BMP4: variants seen among roughly 807,000 people sequenced by gnomAD.
The protein encoded by BMP4 is bone morphogenetic protein 2B.
BMP4 carries 3 observed loss-of-function variants against 29.6 expected under a neutral mutation model. That is an observed-to-expected ratio of 0.10 (90% confidence interval 0.05 to 0.26). The LOEUF (loss-of-function observed/expected upper bound fraction) is 0.26. Among genes scored for constraint, BMP4 ranks in the 10% least tolerant of loss-of-function variants. BMP4 has a pLI of 1.00. For synonymous variants in BMP4, 197 were observed against 213.2 expected, an observed-to-expected ratio of 0.92 and a Z score of 0.66; for missense variants, 455 against 550.2, an observed-to-expected ratio of 0.83 and a Z score of 1.73.
intron 2 of BMP4, 48 bp from the exon 3 acceptor site, chr14:53,952,277 A>G: frequency 6.3e-7 from 1 of 1,587,440 alleles, no homozygotes; most frequent in Non-Finnish European, 8.6e-7. Context: ...ATAAACACCA[A>G]TAAATAGGGA....
Position 53,950,984 on chromosome 14 carries a change from T to C in BMP4, c.371-96A>G. 1 of 1,511,716 alleles carries C rather than the reference T, an allele frequency of 6.6e-7. No homozygotes were observed. Among genetic ancestry groups the C allele is most frequent in the Non-Finnish European group, 9.1e-7 (1 of 1,103,614 alleles). 93.6% of individuals were successfully genotyped at this position (1,511,716 alleles called of 1,614,324 possible). On this transcript the variant is annotated intron_variant, in intron 3 of 3. Coordinates refer to ENST00000245451, the MANE Select transcript of BMP4 (RefSeq NM_001202.6). The surrounding 1 kb of genome is among the most constrained non-coding windows in gnomAD (Gnocchi z 5.4). ...AGATAGCTCAGGGTTGGGCAATGAA[T>C]GGTGAATTCTGCTTATGCAGGGGAA...
At chr14:53,952,538 A>G (rs1346028878) in intron 2 of BMP4, among the ~76,000 whole-genome samples, 1 of 151,986 alleles carries the variant, frequency 6.6e-6, no homozygotes, top group African/African-American at 2.4e-5. Context: ...TATCTGGGCC[A>G]TGATCTCAGC....
Position 53,953,419 on chromosome 14 carries a change from T to C in BMP4, c.-132-19A>G, listed in dbSNP as rs936555302. Reference sequence around the variant, plus strand: ...ATGGCTCCTAAAAGGAATATTTGAATATAATGAGACTCCACCGCAGACAGG... The same window carrying C: ...ATGGCTCCTAAAAGGAATATTTGAACATAATGAGACTCCACCGCAGACAGG... On this transcript the variant is annotated intron_variant, in intron 1 of 3. Transcript: ENST00000245451. 1.5e-5 allele frequency: 6 copies of C among 398,836 alleles called. No individual in the cohort carries two copies. The highest frequency in any genetic ancestry group is 2.2e-5 in the Non-Finnish European group (5 of 226,032). The allele number at this position is 398,836 out of a possible 1,614,324, so 24.7% of individuals were successfully genotyped here.
At chr14:53,953,223 T>G in intron 2 of BMP4, 53 bp downstream of exon 2, 1 of 394,394 alleles carries the variant, frequency 2.5e-6, no homozygotes, top group South Asian at 1.3e-4. Flanking sequence ...CGAGCAGGGG[T>G]GGTGAGGGCA....
chr14:53,952,332 G>C, intron 2 of BMP4, 103 bp from the exon 3 acceptor site: 1 of 1,369,644 alleles, frequency 7.3e-7, no homozygotes. Flanking sequence ...TAGAAATGGA[G>C]GGGCAAGATG....
chr14:53,953,243 C>G, intron 2 of BMP4, 33 bp downstream of exon 2: 1 of 396,762 alleles, frequency 2.5e-6, no homozygotes, highest in Non-Finnish European at 4.5e-6. Context: ...AGAGTGAATT[C>G]CGGGGAGGGG....
rs1325738154 is a variant in BMP4, at chr14:53,954,866, T to C, written c.-132-1466A>G. Among the ~76,000 whole-genome samples the C allele has an allele frequency of 6.6e-6, 1 of 152,160 alleles. No individual in the cohort carries two copies. The highest frequency in any genetic ancestry group is 6.5e-5 in the Admixed American group (1 of 15,292). On this transcript the variant is annotated intron_variant, in intron 1 of 3. Transcript: ENST00000245451. The surrounding 1 kb of genome is among the most constrained non-coding windows in gnomAD (Gnocchi z 4.8). ...TTGCTGCTTTGGGTCGCTCCGGAGC[T>C]CAAGAACTCGGGTTGCCTGCCGCCC...
rs774938531 is a variant in BMP4, at chr14:53,952,117, C to A, written c.106G>T (p.Ala36Ser). 3.7e-6 allele frequency: 6 copies of A among 1,613,624 alleles called. No individual in the cohort carries two copies. The highest frequency in any genetic ancestry group is 5.1e-6 in the Non-Finnish European group (6 of 1,179,550). The change falls in exon 3 of 4, where the codon GCC becomes TCC. Residue 36 changes from alanine to serine, a missense_variant. Physicochemically the swap from Ala to Ser is moderately conservative, Grantham distance 99 (BLOSUM62 1). This residue lies in a region of BMP4 where 249 missense variants were observed against 284.6 expected (regional missense o/e 0.87). Transcript: ENST00000245451. Reference sequence around the variant, plus strand: ...CCTCCCGCGTGGCCCTGAATCTCGGCGACTTTTTTCTTCCCCGTCTCAGGT... The same window carrying A: ...CCTCCCGCGTGGCCCTGAATCTCGGAGACTTTTTTCTTCCCCGTCTCAGGT... ...LIPETGKKKV[A>S]EIQGHAGGRR...
At chr14:53,951,558 G>GA (rs1027613151) in intron 3 of BMP4, 27 of 382,354 alleles carry the variant, frequency 7.1e-5, no homozygotes, top group African/African-American at 4.2e-4. Flanking sequence ...TAGGTGCTTT[G>GA]AAAAAAACGG....
intron 1 of BMP4, 166 bp from the exon 2 acceptor site, chr14:53,953,566 C>A: frequency 2.7e-6 from 1 of 376,248 alleles, no homozygotes; most frequent in Non-Finnish European, 4.7e-6. Context: ...CGGGCCCGCC[C>A]CTCCAGGCGA....
intron 2 of BMP4, 85 bp downstream of exon 2, chr14:53,953,191 G>T (rs1000378415): frequency 1.8e-5 from 7 of 392,072 alleles, no homozygotes; most frequent in East Asian, 3.6e-5. Flanking sequence ...TGTAAAGGAG[G>T]TCCGACGGAA....
chr14:53,950,425 A>T lies in BMP4; in HGVS notation c.834T>A (p.Asp278Glu). The change falls in exon 4 of 4, where the codon GAT (aspartate) becomes GAA (glutamate). Residue 278 changes from aspartate to glutamate, a missense_variant. Around this residue, in one of 4 missense-constraint regions of BMP4, gnomAD observed 154 missense variants for 156.8 expected, o/e 0.98. Coordinates refer to ENST00000245451, the MANE Select transcript of BMP4 (RefSeq NM_001202.6). The surrounding 1 kb of genome is among the most constrained non-coding windows in gnomAD (Gnocchi z 5.4). Reference sequence around the variant, plus strand: ...GTCGGGTCAAGGCATGGCCCCGGCCATCATGGCCAAAGGTGACCAGGAGGG... The same window carrying T: ...GTCGGGTCAAGGCATGGCCCCGGCCTTCATGGCCAAAGGTGACCAGGAGGG... The part of the protein sequence containing the change: ...LRPLLVTFGH[D>E]GRGHALTRRR... The T allele has an allele frequency of 6.2e-7, 1 of 1,613,962 alleles. No individual in the cohort carries two copies. Among genetic ancestry groups the T allele is most frequent in the Non-Finnish European group, 8.5e-7 (1 of 1,180,002 alleles).
chr14:53,953,764 G>A (rs1895583064), intron 1 of BMP4, among the ~76,000 whole-genome samples: 1 of 151,850 alleles, frequency 6.6e-6, no homozygotes, highest in African/African-American at 2.4e-5. Context: ...CCTGAAGCCA[G>A]AGGATTTGGG....
chr14:53,951,847 A>G lies in BMP4; in HGVS notation c.370+6T>C, dbSNP rs1895433810. On this transcript the variant is annotated splice_donor_region_variant and intron_variant, in intron 3 of 3. Transcript: ENST00000245451. ...TCCCCCACGCAGACTGGGGGAAGAG[A>G]CTGACCTTCGTGGTGGAAGCTCCTC... 1 of 1,598,802 alleles carries G rather than the reference A, an allele frequency of 6.3e-7. No individual in the cohort carries two copies. Among genetic ancestry groups the G allele is most frequent in the Non-Finnish European group, 8.5e-7 (1 of 1,179,882 alleles).
rs760034508 is a variant in BMP4 at position 53,950,382 on chromosome 14, T to C, written c.877A>G (p.Ser293Gly). 4 of 1,613,696 alleles carry C rather than the reference T, an allele frequency of 2.5e-6. No homozygotes were observed. The African/African-American group carries it at 5.3e-5, about 22-fold the overall frequency. The change falls in exon 4 of 4, where the codon AGC (serine) becomes GGC (glycine). Residue 293 changes from serine to glycine, a missense_variant. Transcript: ENST00000245451. This position sits in a 1 kb window ranked among gnomAD's most constrained non-coding sequence, Gnocchi z 5.4. ...GCCCGCTGTGAGTGATGCTTAGGGCTACGCTTGGCCCTCCGGCGTCGGGTC... is the reference window on the plus strand; with the variant it reads ...GCCCGCTGTGAGTGATGCTTAGGGCCACGCTTGGCCCTCCGGCGTCGGGTC... ...ALTRRRRAKR[S>G]PKHHSQRARK...
chr14:53,952,205 T>A lies in BMP4; in HGVS notation c.18A>T (p.Arg6=), dbSNP rs1566581788. Residue 6 remains arginine, a synonymous_variant, in exon 3 of 4, where the codon CGA becomes CGT. Coordinates refer to ENST00000245451, the MANE Select transcript of BMP4 (RefSeq NM_001202.6). ...GGCATAATAAAACGACCATCAGCAT[T>A]CGGTTACCAGGAATCATGGTGTCTC... MIPGN[R]MLMVVLLCQV... The A allele has an allele frequency of 6.2e-7, 1 of 1,614,104 alleles. No homozygotes were observed. The highest frequency in any genetic ancestry group is 2.2e-5 in the East Asian group (1 of 44,866).
In BMP4 at chr14:53,951,996, C is replaced by A; in HGVS notation, c.227G>T (p.Ser76Ile). ...GLRRRPQPSK[S>I]AVIPDYMRDL... Reference sequence around the variant, plus strand: ...CCGCATGTAGTCCGGAATGACGGCACTCTTGCTAGGCTGCGGGCGGCGGCG... The same window carrying A: ...CCGCATGTAGTCCGGAATGACGGCAATCTTGCTAGGCTGCGGGCGGCGGCG... The change falls in exon 3 of 4, where the codon AGT (serine) becomes ATT (isoleucine). Residue 76 changes from serine to isoleucine, a missense_variant. This residue lies in a region of BMP4 where 249 missense variants were observed against 284.6 expected (regional missense o/e 0.87). Coordinates refer to ENST00000245451, the MANE Select transcript of BMP4 (RefSeq NM_001202.6). The A allele has an allele frequency of 6.2e-7, 1 of 1,613,748 alleles. No individual in the cohort carries two copies. The highest frequency in any genetic ancestry group is 8.5e-7 in the Non-Finnish European group (1 of 1,180,038).
chr14:53,951,517 G>A (rs1895408594), intron 3 of BMP4: 3 of 272,758 alleles, frequency 1.1e-5, no homozygotes, highest in African/African-American at 2.2e-5. Context: ...GAATAAACCC[G>A]ACAAACACAC....
Position 53,949,883 on chromosome 14 carries a change from C to CA in BMP4, c.*148_*149insT, listed in dbSNP as rs796563569. 0.094 allele frequency: 60,205 copies of CA among 637,616 alleles called. 406 individuals are homozygous for CA. Among genetic ancestry groups the CA allele is most frequent in the Non-Finnish European group, 0.11 (45,898 of 418,664 alleles). The allele number at this position is 637,616 out of a possible 1,614,324, so 39.5% of individuals were successfully genotyped here. ...AAGGTGAATGTTTAGGGATTTTTTC[C>CA]TTTTTTTTTTTTTTTTTTAAATAAA... On this transcript the variant is annotated 3_prime_UTR_variant, in exon 4 of 4. Coordinates refer to ENST00000245451, the MANE Select transcript of BMP4 (RefSeq NM_001202.6).
Sources: allele counts gnomAD v4.1 joint callset (sites outside exome capture counted in the v4.1 genomes callset), GRCh38; gene constraint gnomAD v4.1.1; regional missense constraint gnomAD v4.1.1; non-coding constraint Gnocchi (gnomAD v3.1); transcripts MANE v1.5; gene names NCBI Gene and HGNC (gene_info 2026-07-23, HGNC 2026-07-21).